WHRN: variants seen among roughly 807,000 people sequenced by gnomAD.
The protein encoded by WHRN is whirlin, also known as CASK-interacting protein CIP98.
WHRN carries 41 observed loss-of-function variants against 68.3 expected under a neutral mutation model. The ratio of observed to expected loss-of-function variants is 0.60; its 90% CI spans 0.47 to 0.78. The LOEUF (loss-of-function observed/expected upper bound fraction) is 0.78. Among genes scored for constraint, WHRN ranks in the 30% least tolerant of loss-of-function variants. WHRN has a pLI of 0.00. For synonymous variants in WHRN, 560 were observed against 561.3 expected, an observed-to-expected ratio of 1.00 and a Z score of 0.03; for missense variants, 1,243 against 1,244.7, an observed-to-expected ratio of 1.00 and a Z score of 0.02.
At chr9:114,425,438 T>G in intron 4 of WHRN, 1 of 478,418 alleles carries the variant, frequency 2.1e-6, no homozygotes. Flanking sequence ...CCAGCCGATG[T>G]GGGCTCAGGC....
chr9:114,499,858 G>A (rs2133417124), intron 1 of WHRN, among the ~76,000 whole-genome samples: 1 of 152,338 alleles, frequency 6.6e-6, no homozygotes, highest in East Asian at 1.9e-4. Flanking sequence ...AATAAACAAA[G>A]CTGGGTTTGT....
chr9:114,424,653 T>C, intron 5 of WHRN, 107 bp from the exon 6 acceptor site: 1 of 1,236,500 alleles, frequency 8.1e-7, no homozygotes, highest in Non-Finnish European at 1.2e-6. Flanking sequence ...TGGTGTTTCA[T>C]CTGTTATTCT....
chr9:114,408,051 C>G (rs781422940), intron 7 of WHRN, 33 bp from the exon 8 acceptor site: 1 of 1,555,250 alleles, frequency 6.4e-7, no homozygotes, highest in South Asian at 1.2e-5. Context: ...AGTGAGCAAA[C>G]AGAAGCTGAG....
At chr9:114,414,484 C>A (rs1835671381) in intron 7 of WHRN, among the ~76,000 whole-genome samples, 1 of 152,190 alleles carries the variant, frequency 6.6e-6, no homozygotes. Context: ...GAGGAAGACC[C>A]CCAGTCCTAA....
At chr9:114,458,765 G>A (rs1840011583) in intron 3 of WHRN, among the ~76,000 whole-genome samples, 1 of 152,232 alleles carries the variant, frequency 6.6e-6, no homozygotes, top group Non-Finnish European at 1.5e-5. Flanking sequence ...TGAATGGGGA[G>A]GGTGGGAGTG....
chr9:114,465,051 T>C (rs1222541833), intron 3 of WHRN, among the ~76,000 whole-genome samples: 1 of 152,132 alleles, frequency 6.6e-6, no homozygotes, highest in Non-Finnish European at 1.5e-5. Flanking sequence ...CCCAGACAGG[T>C]GGAGGGACTC....
chr9:114,421,805 G>T (rs140822000), intron 7 of WHRN, among the ~76,000 whole-genome samples: 1 of 152,324 alleles, frequency 6.6e-6, no homozygotes, highest in Non-Finnish European at 1.5e-5. Context: ...GAAGTGATCT[G>T]CTTGTCCCAG....
chr9:114,462,196 T>A (rs1840299953), intron 3 of WHRN, among the ~76,000 whole-genome samples: 1 of 152,200 alleles, frequency 6.6e-6, no homozygotes, highest in Non-Finnish European at 1.5e-5. Context: ...GAGCCAAGTC[T>A]GTGTCCTGCC....
At chr9:114,452,259 T>C (rs954282701) in intron 3 of WHRN, among the ~76,000 whole-genome samples, 9 of 152,166 alleles carry the variant, frequency 5.9e-5, no homozygotes, top group Non-Finnish European at 1.2e-4. Context: ...ATCCTCCGGG[T>C]TCCAAATCTA....
At position 114,476,960 on chromosome 9, in the gene WHRN, C is replaced by A. The variant is rs537989642; in HGVS notation, c.837+1593G>T. Among the ~76,000 whole-genome samples, 33 of 152,316 alleles carry A rather than the reference C, an allele frequency of 2.2e-4. No homozygotes were observed. The South Asian group carries it at 6.8e-3, about 32-fold the overall frequency. ...AAGATAAAACAAGTTCTGTGCCCAA[C>A]ACTAGACAGCTGCCCTTGATCATGA... On this transcript the variant is annotated intron_variant, in intron 2 of 11. Transcript: ENST00000362057.
intron 1 of WHRN, among the ~76,000 whole-genome samples, chr9:114,483,108 G>A (rs1179163210): frequency 6.6e-6 from 1 of 152,216 alleles, no homozygotes; most frequent in Non-Finnish European, 1.5e-5. Flanking sequence ...CTCTGATAAT[G>A]ACTATTCTTT....
intron 2 of WHRN, among the ~76,000 whole-genome samples, chr9:114,478,120 C>A (rs950068537): frequency 6.6e-6 from 1 of 152,014 alleles, no homozygotes; most frequent in African/African-American, 2.4e-5. Context: ...AAAAAAAACT[C>A]TCATTTAAAT....
chr9:114,426,467 T>A, intron 3 of WHRN, 54 bp from the exon 4 acceptor site: 1 of 1,598,318 alleles, frequency 6.3e-7, no homozygotes, highest in Non-Finnish European at 8.6e-7. Context: ...GGATTCACAC[T>A]AGGGACTTCA....
intron 3 of WHRN, among the ~76,000 whole-genome samples, chr9:114,463,565 C>T (rs1270444285): frequency 6.6e-6 from 1 of 152,110 alleles, no homozygotes; most frequent in Admixed American, 6.5e-5. Flanking sequence ...CAATATTGTA[C>T]TGATGTTAGT....
At chr9:114,448,995 G>A (rs562922809) in intron 3 of WHRN, among the ~76,000 whole-genome samples, 1 of 152,270 alleles carries the variant, frequency 6.6e-6, no homozygotes, top group East Asian at 1.9e-4. Context: ...AGGTCCCTTG[G>A]GAATCTGTAT....
At chr9:114,474,054 C>G (rs1215666642) in intron 2 of WHRN, among the ~76,000 whole-genome samples, 1 of 152,160 alleles carries the variant, frequency 6.6e-6, no homozygotes, top group East Asian at 1.9e-4. Flanking sequence ...CTCCTGCCAC[C>G]CCTGGCCCTG....
rs933525610 is a variant in WHRN at position 114,487,460 on chromosome 9, T to G, written c.619-8689A>C. ...TATTTTGAAGATCTTTTCTTACCAG[T>G]TCAATGACATAAAGCTCATCTCTTC... On this transcript the variant is annotated intron_variant, in intron 1 of 11. Coordinates refer to ENST00000362057, the MANE Select transcript of WHRN (RefSeq NM_015404.4). Among the ~76,000 whole-genome samples, 24 of 152,332 alleles carry G rather than the reference T, an allele frequency of 1.6e-4. No individual in the cohort carries two copies. The East Asian group carries it at 4.2e-3, about 27-fold the overall frequency.
At chr9:114,492,470 G>C (rs1843063632) in intron 1 of WHRN, among the ~76,000 whole-genome samples, 1 of 152,148 alleles carries the variant, frequency 6.6e-6, no homozygotes, top group East Asian at 1.9e-4. Flanking sequence ...CATTTATCAA[G>C]GTGGGAACAC....
At chr9:114,431,720 A>G (rs892870525) in intron 3 of WHRN, among the ~76,000 whole-genome samples, 1 of 152,202 alleles carries the variant, frequency 6.6e-6, no homozygotes, top group Non-Finnish European at 1.5e-5. Flanking sequence ...TTTCCTACCC[A>G]CTGAAACCAA....
Sources: gnomAD v4.1 joint callset for allele counts (sites outside exome capture counted in the v4.1 genomes callset) on GRCh38, gnomAD v4.1.1 for gene constraint, MANE v1.5 for transcripts, NCBI Gene and HGNC (gene_info 2026-07-23, HGNC 2026-07-21) for gene names.